PLEKHA5: variants seen among roughly 807,000 people sequenced by gnomAD.
PLEKHA5 encodes the protein pleckstrin homology domain containing A5, also known as pleckstrin homology domain-containing family A member 5.
In PLEKHA5, 55 loss-of-function variants were observed where a neutral mutation model predicts 181.9. The observed-to-expected ratio is 0.30, with a 90% CI of 0.24 to 0.38. PLEKHA5 has a LOEUF of 0.38. PLEKHA5 is among the 10% of genes least tolerant of loss of function. The probability of loss-of-function intolerance (pLI) is 1.00; values close to 1 mark genes in which losing one functional copy is unlikely to be tolerated. For missense variants in PLEKHA5, 1,432 were observed against 1,549.5 expected (o/e 0.92, Z 1.27); for synonymous variants, 535 against 529.4 (o/e 1.01, Z -0.15).
At chr12:19,243,722 T>G (rs1322017086) in intron 3 of PLEKHA5, among the ~76,000 whole-genome samples, 1 of 152,178 alleles carries the variant, frequency 6.6e-6, no homozygotes, top group African/African-American at 2.4e-5. Flanking sequence ...AAATGACATT[T>G]AGAACTAAAT....
chr12:19,350,784 A>G (rs2094554757), intron 25 of PLEKHA5, among the ~76,000 whole-genome samples: 1 of 152,098 alleles, frequency 6.6e-6, no homozygotes, highest in South Asian at 2.1e-4. Flanking sequence ...AAAGCAAACA[A>G]ACAAGAAAAC....
chr12:19,287,831 C>T (rs1225580983), intron 13 of PLEKHA5, among the ~76,000 whole-genome samples: 1 of 152,136 alleles, frequency 6.6e-6, no homozygotes, highest in East Asian at 1.9e-4. Context: ...GTAATCCCAG[C>T]ACTTTGGGAG....
In PLEKHA5 at chr12:19,181,755, A is replaced by G. The variant is rs144909526; in HGVS notation, c.227+49305A>G. ...CGCGCCACTGCACTTCAGCCTGGGT[A>G]ACAAACAGAGTGAGACTCTGACTCA... On this transcript the variant is annotated intron_variant, in intron 3 of 31. Transcript: ENST00000429027. 3.9e-3 allele frequency among the ~76,000 whole-genome samples: 587 copies of G among 152,286 alleles called. 2 individuals carry two copies. The highest frequency in any genetic ancestry group is 8.1e-3 in the South Asian group (39 of 4,832).
At chr12:19,355,674 AAG>A (rs1427028810) in intron 26 of PLEKHA5, among the ~76,000 whole-genome samples, 1 of 152,152 alleles carries the variant, frequency 6.6e-6, no homozygotes, top group East Asian at 1.9e-4. Context: ...ATTAGTACAA[AAG>A]TATAAAGATC....
chr12:19,169,434 A>C (rs938880397), intron 3 of PLEKHA5, among the ~76,000 whole-genome samples: 11 of 152,170 alleles, frequency 7.2e-5, no homozygotes, highest in Non-Finnish European at 1.2e-4. Context: ...GGCAGTGCTA[A>C]GTTGGCTCTG....
At chr12:19,178,351 C>A (rs2047786233) in intron 3 of PLEKHA5, among the ~76,000 whole-genome samples, 2 of 152,048 alleles carry the variant, frequency 1.3e-5, no homozygotes, top group South Asian at 4.2e-4. Flanking sequence ...TCAAACTGAT[C>A]CCATCATTAA....
chr12:19,202,721 G>A (rs1041792937), intron 3 of PLEKHA5, among the ~76,000 whole-genome samples: 2 of 152,090 alleles, frequency 1.3e-5, no homozygotes, highest in African/African-American at 4.8e-5. Context: ...GATAATTGCC[G>A]TATAAGGCTC....
At chr12:19,253,506 GA>G (rs1345298149) in intron 3 of PLEKHA5, among the ~76,000 whole-genome samples, 5 of 151,890 alleles carry the variant, frequency 3.3e-5, no homozygotes, top group African/African-American at 1.2e-4. Context: ...TAGTAGGAAA[GA>G]TATATTTAGG....
At chr12:19,370,475 AC>A (rs1370136031) in intron 31 of PLEKHA5, among the ~76,000 whole-genome samples, 1 of 152,148 alleles carries the variant, frequency 6.6e-6, no homozygotes, top group Non-Finnish European at 1.5e-5. Flanking sequence ...AGAATTTAGT[AC>A]TTATAGCGTA....
chr12:19,190,148 A>C (rs113414131), intron 3 of PLEKHA5, among the ~76,000 whole-genome samples: 1 of 152,210 alleles, frequency 6.6e-6, no homozygotes, highest in Non-Finnish European at 1.5e-5. Flanking sequence ...GAAAAAACCC[A>C]ATCTTGAAAT....
intron 3 of PLEKHA5, among the ~76,000 whole-genome samples, chr12:19,185,090 A>G (rs1423574008): frequency 6.6e-6 from 1 of 150,956 alleles, no homozygotes; most frequent in Non-Finnish European, 1.5e-5. Context: ...TCTTCTCTAT[A>G]CCTTTTTTTT....
chr12:19,305,882 A>AAAC (rs1338045788), intron 15 of PLEKHA5, among the ~76,000 whole-genome samples: 2 of 149,394 alleles, frequency 1.3e-5, no homozygotes, highest in East Asian at 3.9e-4. Context: ...AAAAAAAAAA[A>AAAC]AACAACTATG....
At chr12:19,322,278 T>C (rs1452103027) in intron 18 of PLEKHA5, 32 bp from the exon 19 acceptor site, 1 of 1,445,220 alleles carries the variant, frequency 6.9e-7, no homozygotes, top group Admixed American at 1.7e-5. Context: ...AAATAAAAAA[T>C]TGCTAACAAG....
chr12:19,231,519 T>C (rs545459889), intron 3 of PLEKHA5, among the ~76,000 whole-genome samples: 1 of 149,734 alleles, frequency 6.7e-6, no homozygotes, highest in Non-Finnish European at 1.5e-5. Flanking sequence ...TACAACTAAA[T>C]TTGTATATAT....
intron 10 of PLEKHA5, 89 bp from the exon 11 acceptor site, chr12:19,274,427 G>C (rs562506246): frequency 1.1e-6 from 1 of 882,180 alleles, no homozygotes; most frequent in Non-Finnish European, 1.7e-6. Context: ...CCCCACCCCC[G>C]TAAAGTATAA....
At chr12:19,211,119 G>C (rs2056808590) in intron 3 of PLEKHA5, among the ~76,000 whole-genome samples, 1 of 151,910 alleles carries the variant, frequency 6.6e-6, no homozygotes, top group Admixed American at 6.6e-5. Context: ...AATAATTAAT[G>C]TAAAAAATTA....
intron 8 of PLEKHA5, among the ~76,000 whole-genome samples, chr12:19,268,573 A>G (rs1464638906): frequency 6.6e-6 from 1 of 152,224 alleles, no homozygotes; most frequent in East Asian, 1.9e-4. Flanking sequence ...AATGCTTATC[A>G]GAATGGTAAG....
chr12:19,156,899 A>AG (rs202065586), intron 3 of PLEKHA5, among the ~76,000 whole-genome samples: 3,547 of 149,824 alleles, frequency 0.024, 88 homozygotes, highest in Non-Finnish European at 0.034. Context: ...AAATACCAAA[A>AG]AAAAAAAAAA....
At chr12:19,308,828 A>C (rs1205294051) in intron 15 of PLEKHA5, among the ~76,000 whole-genome samples, 1 of 151,420 alleles carries the variant, frequency 6.6e-6, no homozygotes, top group Non-Finnish European at 1.5e-5. Context: ...GGGGCAGATC[A>C]CCTGAGGTAA....
Sources: gnomAD v4.1 joint callset for allele counts (sites outside exome capture counted in the v4.1 genomes callset) on GRCh38, gnomAD v4.1.1 for gene constraint, MANE v1.5 for transcripts, NCBI Gene and HGNC (gene_info 2026-07-23, HGNC 2026-07-21) for gene names.